PTCSC3: variants seen among roughly 807,000 people sequenced by gnomAD.
The protein encoded by PTCSC3 is papillary thyroid carcinoma susceptibility candidate 3.
intron 3 of PTCSC3, among the ~76,000 whole-genome samples, chr14:36,139,680 A>G (rs1426709825): frequency 2.0e-5 from 3 of 152,218 alleles, no homozygotes; most frequent in Non-Finnish European, 4.4e-5. Context: ...TTAATAGGCT[A>G]TATTTTAGAG....
At chr14:36,159,888 C>A (rs1163795054) in intron 2 of PTCSC3, among the ~76,000 whole-genome samples, 2 of 152,092 alleles carry the variant, frequency 1.3e-5, no homozygotes, top group Non-Finnish European at 2.9e-5. Context: ...TAAGGACTTG[C>A]TTTATGAATC....
At chr14:36,157,802 T>C (rs1396295100) in intron 2 of PTCSC3, among the ~76,000 whole-genome samples, 1 of 152,194 alleles carries the variant, frequency 6.6e-6, no homozygotes, top group Non-Finnish European at 1.5e-5. Context: ...AAGAATGTAA[T>C]GGTAGCTTGA....
chr14:36,174,736 A>C lies in PTCSC3; in HGVS notation n.171+1562T>G, dbSNP rs556502854. 5.9e-5 allele frequency among the ~76,000 whole-genome samples: 9 copies of C among 152,260 alleles called. No homozygotes were observed. In the East Asian group the frequency reaches 1.2e-3, roughly 20 times the overall value. On this transcript the variant is annotated intron_variant and non_coding_transcript_variant, in intron 1 of 3. Transcript: ENST00000556013. ...CTTTCCAAACTGTGTCTCCTGTATA[A>C]ATCTTGTCGGGGTTTGGTTTCAGGC... is the stretch of plus-strand genomic sequence containing the variant.
intron 3 of PTCSC3, among the ~76,000 whole-genome samples, chr14:36,145,490 TG>T (rs1881540301): frequency 6.7e-6 from 1 of 150,262 alleles, no homozygotes; most frequent in African/African-American, 2.5e-5. Flanking sequence ...CGTATTTCTG[TG>T]GGATTGGTGG....
At chr14:36,155,731 GC>G (rs1448173043) in intron 2 of PTCSC3, among the ~76,000 whole-genome samples, 3 of 152,070 alleles carry the variant, frequency 2.0e-5, no homozygotes, top group African/African-American at 4.8e-5. Context: ...AGATTTGGAT[GC>G]CCATGTGCTG....
chr14:36,170,097 G>A (rs1882165367), intron 1 of PTCSC3, among the ~76,000 whole-genome samples: 1 of 152,126 alleles, frequency 6.6e-6, no homozygotes, highest in Non-Finnish European at 1.5e-5. Context: ...CTGATGCTGG[G>A]AGAGGGTATC....
intron 2 of PTCSC3, among the ~76,000 whole-genome samples, chr14:36,160,604 A>T (rs1479490899): frequency 6.6e-6 from 1 of 151,998 alleles, no homozygotes; most frequent in Non-Finnish European, 1.5e-5. Flanking sequence ...TTTTAGTCTG[A>T]TGGGCTTCCC....
intron 2 of PTCSC3, among the ~76,000 whole-genome samples, chr14:36,159,081 T>G (rs1163591950): frequency 6.6e-6 from 1 of 152,184 alleles, no homozygotes; most frequent in South Asian, 2.1e-4. Flanking sequence ...TTTGTATTTC[T>G]GTGGGATCAG....
At chr14:36,136,714 G>T (rs1881295855) in intron 3 of PTCSC3, among the ~76,000 whole-genome samples, 1 of 152,156 alleles carries the variant, frequency 6.6e-6, no homozygotes, top group African/African-American at 2.4e-5. Flanking sequence ...TATGCTAGGT[G>T]CCAGGGAATA....
At chr14:36,148,401 A>T (rs1291278635) in intron 3 of PTCSC3, among the ~76,000 whole-genome samples, 1 of 152,166 alleles carries the variant, frequency 6.6e-6, no homozygotes, top group African/African-American at 2.4e-5. Context: ...AAAGCGCAGT[A>T]TTCGGGTGGG....
chr14:36,171,487 T>G (rs1882192039), intron 1 of PTCSC3, among the ~76,000 whole-genome samples: 1 of 152,152 alleles, frequency 6.6e-6, no homozygotes, highest in African/African-American at 2.4e-5. Context: ...AATGTAAACA[T>G]CATTATTGTT....
chr14:36,137,606 G>A (rs993595780), intron 3 of PTCSC3, among the ~76,000 whole-genome samples: 3 of 152,184 alleles, frequency 2.0e-5, no homozygotes, highest in African/African-American at 7.2e-5. Context: ...TATTTTAAAT[G>A]TGGAGCCCAG....
intron 3 of PTCSC3, among the ~76,000 whole-genome samples, chr14:36,148,684 C>T (rs572724321): frequency 3.3e-5 from 5 of 152,178 alleles, no homozygotes; most frequent in Non-Finnish European, 7.4e-5. Context: ...ATCTTGGCTC[C>T]TCCCCCCATT....
intron 3 of PTCSC3, among the ~76,000 whole-genome samples, chr14:36,138,884 C>T (rs929130294): frequency 6.6e-5 from 10 of 152,030 alleles, no homozygotes; most frequent in Non-Finnish European, 1.5e-4. Context: ...CTTTGGGAGG[C>T]CGAGGCAGGC....
intron 2 of PTCSC3, among the ~76,000 whole-genome samples, chr14:36,162,269 A>C (rs1881977277): frequency 6.8e-6 from 1 of 147,292 alleles, no homozygotes; most frequent in African/African-American, 2.5e-5. Flanking sequence ...AAAAAAAAAA[A>C]AAAAAAAAAA....
At chr14:36,159,415 T>TGA in intron 2 of PTCSC3, among the ~76,000 whole-genome samples, 1 of 152,238 alleles carries the variant, frequency 6.6e-6, no homozygotes, top group South Asian at 2.1e-4. Context: ...AACACTGTTT[T>TGA]AGCTGTGTCC....
intron 3 of PTCSC3, among the ~76,000 whole-genome samples, chr14:36,139,460 T>A (rs983586778): frequency 1.3e-5 from 2 of 152,084 alleles, no homozygotes; most frequent in African/African-American, 4.8e-5. Context: ...ACAGAATCCA[T>A]GTGTGTCTCA....
chr14:36,160,563 T>G (rs1169144), intron 2 of PTCSC3, among the ~76,000 whole-genome samples: 1 of 151,968 alleles, frequency 6.6e-6, no homozygotes, highest in Non-Finnish European at 1.5e-5. Context: ...CACTCTCTTC[T>G]GGTTTGTAGG....
chr14:36,158,080 TTGTAATTTTTGCA>T (rs1276411691), intron 2 of PTCSC3, among the ~76,000 whole-genome samples: 1 of 152,212 alleles, frequency 6.6e-6, no homozygotes, highest in Non-Finnish European at 1.5e-5. Context: ...ATAGAAATGC[TTGTAATTTTTGCA>T]CATTGATTTT....
Sources: gnomAD v4.1 joint callset for allele counts (sites outside exome capture counted in the v4.1 genomes callset) on GRCh38, gnomAD v4.1.1 for gene constraint, MANE v1.5 for transcripts, NCBI Gene and HGNC (gene_info 2026-07-23, HGNC 2026-07-21) for gene names.